Variants in GRM7 observed in about 807,000 individuals in gnomAD.
GRM7 encodes the protein glutamate metabotropic receptor 7.
Under a neutral mutation model 84.5 loss-of-function variants are expected in GRM7, and 35 were observed. The ratio of observed to expected loss-of-function variants is 0.41; its 90% CI spans 0.32 to 0.55. The LOEUF (loss-of-function observed/expected upper bound fraction) is 0.55. Among genes scored for constraint, GRM7 ranks in the 20% least tolerant of loss-of-function variants. GRM7 has a pLI of 0.19. For synonymous variants in GRM7, 487 were observed against 455.1 expected (o/e 1.07, Z -0.89); for missense variants, 1,003 against 1,194.6 (o/e 0.84, Z 2.36).
At chr3:7,358,177 A>C (rs529668620) in intron 4 of GRM7, among the ~76,000 whole-genome samples, 2 of 152,266 alleles carry the variant, frequency 1.3e-5, no homozygotes, top group East Asian at 3.9e-4. Context: ...TGGAAGAAGG[A>C]AGCAAGTCTA....
intron 1 of GRM7, among the ~76,000 whole-genome samples, chr3:6,913,579 G>A (rs1196792795): frequency 1.3e-5 from 2 of 152,134 alleles, no homozygotes; most frequent in Non-Finnish European, 2.9e-5. Context: ...TAACTTTCCA[G>A]TAATACTGAA....
chr3:7,080,101 G>C (rs149383804), intron 1 of GRM7, among the ~76,000 whole-genome samples: 84 of 151,986 alleles, frequency 5.5e-4, no homozygotes, highest in Non-Finnish European at 9.3e-4. Context: ...CTTTTTTATA[G>C]TGTCTTTATT....
intron 4 of GRM7, among the ~76,000 whole-genome samples, chr3:7,313,975 A>G (rs1427093198): frequency 2.0e-5 from 3 of 152,210 alleles, no homozygotes; most frequent in Admixed American, 2.0e-4. Context: ...TGTTGAAATT[A>G]GAAATGTATA....
intron 4 of GRM7, among the ~76,000 whole-genome samples, chr3:7,365,641 G>GTT (rs1491366876): frequency 1.2e-5 from 1 of 80,918 alleles, no homozygotes; most frequent in Non-Finnish European, 2.5e-5. Flanking sequence ...GTGTGTGTGC[G>GTT]TGTGTGTATA....
intron 7 of GRM7, among the ~76,000 whole-genome samples, chr3:7,469,234 C>G (rs189645444): frequency 1.3e-5 from 2 of 152,164 alleles, no homozygotes; most frequent in Non-Finnish European, 2.9e-5. Flanking sequence ...GTTAGCAATT[C>G]TACATGATTC....
chr3:6,936,227 C>T (rs1219967679), intron 1 of GRM7, among the ~76,000 whole-genome samples: 2 of 152,202 alleles, frequency 1.3e-5, no homozygotes, highest in African/African-American at 2.4e-5. Flanking sequence ...CTGGCTTCAG[C>T]AGTAGAGGGC....
chr3:7,314,313 G>A (rs1021988915), intron 4 of GRM7, among the ~76,000 whole-genome samples: 4 of 147,726 alleles, frequency 2.7e-5, no homozygotes, highest in Admixed American at 6.8e-5. Context: ...TCCATCCCCC[G>A]TCTTTCTCCC....
chr3:7,089,110 A>G (rs1436098856), intron 1 of GRM7, among the ~76,000 whole-genome samples: 1 of 152,170 alleles, frequency 6.6e-6, no homozygotes, highest in African/African-American at 2.4e-5. Context: ...TGTTAAAAGT[A>G]TCTCTTTTGG....
At chr3:7,534,641 G>A (rs947181968) in intron 7 of GRM7, among the ~76,000 whole-genome samples, 4 of 151,964 alleles carry the variant, frequency 2.6e-5, no homozygotes, top group Non-Finnish European at 2.9e-5. Flanking sequence ...AATTTCAGTC[G>A]TTGTGGTTAT....
chr3:7,267,183 A>G (rs989643121), intron 2 of GRM7, among the ~76,000 whole-genome samples: 2 of 152,198 alleles, frequency 1.3e-5, no homozygotes, highest in Admixed American at 6.5e-5. Flanking sequence ...ACTGATTGAT[A>G]CTGATTACAG....
intron 7 of GRM7, among the ~76,000 whole-genome samples, chr3:7,574,560 CA>C (rs1221763209): frequency 1.3e-5 from 2 of 152,170 alleles, no homozygotes; most frequent in Non-Finnish European, 2.9e-5. Context: ...GTGAGAAGTA[CA>C]AAATAGAGTC....
At chr3:7,475,073 G>T (rs1237430521) in intron 7 of GRM7, among the ~76,000 whole-genome samples, 2 of 152,154 alleles carry the variant, frequency 1.3e-5, no homozygotes, top group African/African-American at 4.8e-5. Context: ...GTTTTCAATT[G>T]CCCTACGTAA....
rs559666877 is a variant in GRM7 at position 6,865,226 on chromosome 3, A to G, written c.519+3319A>G. 5.9e-5 allele frequency among the ~76,000 whole-genome samples: 9 copies of G among 152,358 alleles called. No homozygotes were observed. In the South Asian group the frequency reaches 1.7e-3, roughly 28 times the overall value. Reference sequence around the variant, plus strand: ...TAATGCTAAGAAAGATTAAACGTAAATTAATATTGACTATAAGTAACATAT... The same window carrying G: ...TAATGCTAAGAAAGATTAAACGTAAGTTAATATTGACTATAAGTAACATAT... On this transcript the variant is annotated intron_variant, in intron 1 of 9. Transcript: ENST00000357716.
intron 9 of GRM7, among the ~76,000 whole-genome samples, chr3:7,737,835 T>C (rs1037992209): frequency 6.6e-6 from 1 of 151,370 alleles, no homozygotes; most frequent in African/African-American, 2.4e-5. Flanking sequence ...GTAAAAATTA[T>C]TCTCCCAATT....
chr3:7,544,531 A>G (rs1693044328), intron 7 of GRM7, among the ~76,000 whole-genome samples: 1 of 152,142 alleles, frequency 6.6e-6, no homozygotes, highest in Non-Finnish European at 1.5e-5. Context: ...GGTAGTTCCC[A>G]GCCTGGCTAA....
chr3:7,310,607 T>C (rs1290727933), intron 4 of GRM7, among the ~76,000 whole-genome samples: 2 of 152,194 alleles, frequency 1.3e-5, no homozygotes, highest in South Asian at 2.1e-4. Flanking sequence ...TTCTAAGCAA[T>C]GCGTATGTCT....
intron 7 of GRM7, among the ~76,000 whole-genome samples, chr3:7,528,693 C>G (rs941532101): frequency 2.0e-5 from 3 of 152,012 alleles, no homozygotes; most frequent in Non-Finnish European, 4.4e-5. Flanking sequence ...TGCTACATAT[C>G]AGACATTTTG....
intron 2 of GRM7, among the ~76,000 whole-genome samples, chr3:7,193,414 A>C (rs142879397): frequency 1.2e-3 from 182 of 152,230 alleles, no homozygotes; most frequent in African/African-American, 4.0e-3. Flanking sequence ...TAGAAATTCC[A>C]GGATGCAACA....
chr3:6,955,424 C>G (rs1019543525), intron 1 of GRM7, among the ~76,000 whole-genome samples: 1 of 151,956 alleles, frequency 6.6e-6, no homozygotes, highest in African/African-American at 2.4e-5. Context: ...GTAATCCCAG[C>G]TACTCAGGAG....
Sources: gnomAD v4.1 joint callset for allele counts (sites outside exome capture counted in the v4.1 genomes callset) on GRCh38, gnomAD v4.1.1 for gene constraint, MANE v1.5 for transcripts, NCBI Gene and HGNC (gene_info 2026-07-23, HGNC 2026-07-21) for gene names.